Variants in SSH2 observed in about 807,000 individuals in gnomAD.
SSH2 encodes the protein slingshot protein phosphatase 2, also known as protein phosphatase Slingshot homolog 2.
SSH2 carries 37 observed loss-of-function variants against 135.2 expected under a neutral mutation model. The observed-to-expected ratio is 0.27, with a 90% CI of 0.21 to 0.36. SSH2 has a LOEUF of 0.36. Ranked by LOEUF, SSH2 falls within the 10% of genes least tolerant of loss-of-function variation. SSH2 has a pLI of 1.00. For missense variants in SSH2, 1,408 were observed against 1,765.3 expected (o/e 0.80, Z 3.63); for synonymous variants, 628 against 646.2 (o/e 0.97, Z 0.43).
At chr17:29,761,374 C>T (rs966940062) in intron 3 of SSH2, 10 of 1,065,076 alleles carry the variant, frequency 9.4e-6, no homozygotes, top group African/African-American at 1.7e-5. Context: ...GAGGCGGGCC[C>T]GCCGGGTCGC....
At chr17:29,910,443 C>T (rs993863809) in intron 1 of SSH2, among the ~76,000 whole-genome samples, 6 of 152,170 alleles carry the variant, frequency 3.9e-5, no homozygotes, top group African/African-American at 9.7e-5. Flanking sequence ...AATTTGAGCA[C>T]CACAATCTGA....
chr17:29,793,077 G>A (rs937725662), intron 3 of SSH2, among the ~76,000 whole-genome samples: 5 of 152,114 alleles, frequency 3.3e-5, no homozygotes, highest in Non-Finnish European at 7.4e-5. Flanking sequence ...TGAGTTCAGA[G>A]GATACAAGTT....
Position 29,667,169 on chromosome 17 carries a change from G to C in SSH2, c.864C>G (p.Ile288Met). 6.2e-7 allele frequency: 1 copy of C among 1,613,712 alleles called. No homozygotes were observed. The highest frequency in any genetic ancestry group is 8.5e-7 in the Non-Finnish European group (1 of 1,179,768). The change falls in exon 10 of 16, where the codon ATC becomes ATG. Residue 288 changes from isoleucine (I) to methionine (M), a missense_variant. Ile to Met is a conservative substitution (Grantham distance 10, BLOSUM62 1). Around this residue, in one of 3 missense-constraint regions of SSH2, gnomAD observed 106 missense variants for 265.2 expected, o/e 0.40. Transcript: ENST00000540801. ...ERLIKTKLRE[I>M]MMQKDLENIT... ...TATTCTCCAAATCCTTCTGCATCAT[G>C]ATCTCCCTTAATTTGGTTTTAATTA...
chr17:29,722,785 G>A (rs551766221), intron 3 of SSH2, among the ~76,000 whole-genome samples: 25 of 152,206 alleles, frequency 1.6e-4, no homozygotes, highest in Non-Finnish European at 3.2e-4. Flanking sequence ...GCACACAGAT[G>A]GTTTGCGTAA....
chr17:29,679,450 C>T (rs1436901999), intron 6 of SSH2, among the ~76,000 whole-genome samples: 1 of 151,626 alleles, frequency 6.6e-6, no homozygotes, highest in East Asian at 1.9e-4. Flanking sequence ...TCTTGTTGCC[C>T]AGGCTGGAGT....
chr17:29,719,849 T>A (rs1203587699), intron 3 of SSH2, among the ~76,000 whole-genome samples: 1 of 152,134 alleles, frequency 6.6e-6, no homozygotes, highest in Non-Finnish European at 1.5e-5. Flanking sequence ...CTCCGCCTCC[T>A]GGGTTCAAGT....
chr17:29,733,355 G>A (rs1234722012), intron 3 of SSH2, among the ~76,000 whole-genome samples: 1 of 152,124 alleles, frequency 6.6e-6, no homozygotes, highest in Non-Finnish European at 1.5e-5. Flanking sequence ...AACTGTCAGG[G>A]GAAACCAATT....
intron 1 of SSH2, chr17:29,929,379 C>CCGA: frequency 6.5e-6 from 1 of 154,248 alleles, no homozygotes; most frequent in Non-Finnish European, 1.4e-5. Context: ...GGGTGGGGGG[C>CCGA]AGGCGGGAGA....
At chr17:29,810,531 T>C (rs1301050843) in intron 2 of SSH2, among the ~76,000 whole-genome samples, 1 of 152,264 alleles carries the variant, frequency 6.6e-6, no homozygotes, top group African/African-American at 2.4e-5. Flanking sequence ...TGGTTGAAGA[T>C]AGAGCTATCT....
intron 3 of SSH2, among the ~76,000 whole-genome samples, chr17:29,745,052 A>G (rs2040712979): frequency 6.6e-6 from 1 of 152,194 alleles, no homozygotes; most frequent in Non-Finnish European, 1.5e-5. Flanking sequence ...TAAATAAACT[A>G]TGTAAAATCT....
At chr17:29,743,033 G>C (rs1044448141) in intron 3 of SSH2, among the ~76,000 whole-genome samples, 1 of 152,100 alleles carries the variant, frequency 6.6e-6, no homozygotes, top group Non-Finnish European at 1.5e-5. Context: ...CCGGGTTCAA[G>C]GGACTCTCAT....
intron 1 of SSH2, among the ~76,000 whole-genome samples, chr17:29,895,736 T>TTATATA: frequency 1.1e-5 from 1 of 90,614 alleles, no homozygotes; most frequent in South Asian, 3.8e-4. Context: ...TATACACATT[T>TTATATA]CATATATAAA....
chr17:29,787,492 AG>A (rs2041990601), intron 3 of SSH2: 1 of 152,168 alleles, frequency 6.6e-6, no homozygotes, highest in Non-Finnish European at 1.5e-5. Context: ...TCTACCCAGG[AG>A]TCCAGAAGTG....
At chr17:29,717,279 G>A (rs189474901) in intron 3 of SSH2, among the ~76,000 whole-genome samples, 78 of 152,244 alleles carry the variant, frequency 5.1e-4, no homozygotes, top group Middle Eastern at 3.4e-3. Context: ...GGGACTCCAG[G>A]TGTATGCTAC....
intron 2 of SSH2, among the ~76,000 whole-genome samples, chr17:29,821,188 T>C (rs1190981052): frequency 1.3e-5 from 2 of 152,238 alleles, no homozygotes; most frequent in African/African-American, 4.8e-5. Flanking sequence ...CCTAAAGTCC[T>C]GTTCTTTCTT....
intron 1 of SSH2, among the ~76,000 whole-genome samples, chr17:29,874,995 T>C (rs1057118877): frequency 6.6e-6 from 1 of 152,146 alleles, no homozygotes; most frequent in African/African-American, 2.4e-5. Flanking sequence ...GAATCCCAAA[T>C]GTACAGATGC....
At chr17:29,712,187 A>C (rs543670539) in intron 3 of SSH2, among the ~76,000 whole-genome samples, 2 of 152,336 alleles carry the variant, frequency 1.3e-5, no homozygotes, top group East Asian at 1.9e-4. Context: ...TTTCCAAAGA[A>C]GGCAATCAGG....
At chr17:29,710,954 C>T (rs980041894) in intron 3 of SSH2, among the ~76,000 whole-genome samples, 30 of 152,144 alleles carry the variant, frequency 2.0e-4, no homozygotes, top group African/African-American at 7.0e-4. Context: ...TGCAGCATGA[C>T]CAAACATTGA....
chr17:29,854,521 A>G (rs1262003550), intron 1 of SSH2, among the ~76,000 whole-genome samples: 1 of 151,904 alleles, frequency 6.6e-6, no homozygotes, highest in Non-Finnish European at 1.5e-5. Flanking sequence ...GAACAATTAT[A>G]GTAATAAAAT....
Sources: allele counts gnomAD v4.1 joint callset (sites outside exome capture counted in the v4.1 genomes callset), GRCh38; gene constraint gnomAD v4.1.1; regional missense constraint gnomAD v4.1.1; transcripts MANE v1.5; gene names NCBI Gene and HGNC (gene_info 2026-07-23, HGNC 2026-07-21).